DMD: variants seen among roughly 807,000 people sequenced by gnomAD.
DMD encodes the protein dystrophin.
A neutral mutation model predicts 330.1 loss-of-function variants in DMD; 63 were observed. That is an observed-to-expected ratio of 0.19 (90% CI 0.16 to 0.24). DMD has a LOEUF of 0.24. Among genes scored for constraint, DMD ranks in the 10% least tolerant of loss-of-function variants. The pLI is 1.00. For synonymous variants in DMD, 1,223 were observed against 959.8 expected (o/e 1.27, Z -5.07); for missense variants, 3,344 against 2,684.1 (o/e 1.25, Z -5.43).
chrX:33,213,815 G>A (rs192629244), upstream of DMD, among the ~76,000 whole-genome samples: 37 of 110,951 alleles, frequency 3.3e-4, no homozygotes, highest in Non-Finnish European at 3.8e-5. Context: ...ACATTGATAT[G>A]TATACATATT....
chrX:32,981,107 C>T (rs1036380327), intron 2 of DMD, among the ~76,000 whole-genome samples: 2 of 111,606 alleles, frequency 1.8e-5, no homozygotes, highest in African/African-American at 3.3e-5. Flanking sequence ...ATTACCCTAG[C>T]GTAGTTCTCT....
chrX:31,951,687 CAAT>C (rs2095181827), intron 45 of DMD, among the ~76,000 whole-genome samples: 1 of 110,922 alleles, frequency 9.0e-6, no homozygotes, highest in Non-Finnish European at 1.9e-5. Context: ...CACAATAACA[CAAT>C]GTTATAATTT....
chrX:31,171,149 A>G (rs1251080269), intron 73 of DMD, among the ~76,000 whole-genome samples: 1 of 112,178 alleles, frequency 8.9e-6, no homozygotes, highest in East Asian at 2.8e-4. Flanking sequence ...ACTTTTTCCC[A>G]TAGCTAAGAA....
intron 59 of DMD, among the ~76,000 whole-genome samples, chrX:31,471,295 A>G (rs60640779): frequency 0.11 from 12,099 of 111,779 alleles, 484 homozygotes; most frequent in East Asian, 0.2. Context: ...ACCCGAGGGA[A>G]TCTCCTGGTC....
chrX:33,104,065 G>C (rs910638133), intron 1 of DMD, among the ~76,000 whole-genome samples: 4 of 111,551 alleles, frequency 3.6e-5, no homozygotes, highest in African/African-American at 1.3e-4. Context: ...AAAATTGATA[G>C]TGCTCATTAG....
chrX:33,101,076 C>G (rs1183907307), intron 1 of DMD, among the ~76,000 whole-genome samples: 5 of 112,102 alleles, frequency 4.5e-5, no homozygotes, highest in African/African-American at 1.6e-4. Context: ...ATTTGAAATT[C>G]TTACATTAAA....
At chrX:33,254,874 T>A (rs2052831445) in intron 1 of DMD, among the ~76,000 whole-genome samples, 1 of 110,746 alleles carries the variant, frequency 9.0e-6, no homozygotes, top group African/African-American at 3.3e-5. Context: ...GCTCCTTTAG[T>A]AACCTAAAAG....
chrX:32,468,420 CCTTT>C, intron 23 of DMD, 74 bp downstream of exon 23: 1 of 900,922 alleles, frequency 1.1e-6, no homozygotes, highest in Non-Finnish European at 1.6e-6. Flanking sequence ...TGCTTATGTA[CCTTT>C]ACAGTTTACA....
At chrX:32,688,189 TA>T (rs1339521362) in intron 9 of DMD, among the ~76,000 whole-genome samples, 3 of 110,758 alleles carry the variant, frequency 2.7e-5, no homozygotes, top group African/African-American at 9.9e-5. Flanking sequence ...ACAAATCCCA[TA>T]AAATGTAATA....
At position 32,826,177 on chromosome X, in the gene DMD, A is replaced by C. The variant is rs943926642; in HGVS notation, c.265-2790T>G. On this transcript the variant is annotated intron_variant, in intron 4 of 78. Transcript: ENST00000357033. ...ATCACACAGAATGGCTATTATCAAA[A>C]AGACAAAAGGTAAGTTGTGGCAAAG... is the stretch of plus-strand genomic sequence containing the variant. Among the ~76,000 whole-genome samples the C allele has an allele frequency of 2.7e-5, 3 of 111,908 alleles. No individual in the cohort carries two copies. In the East Asian group the frequency reaches 8.4e-4, roughly 31 times the overall value.
At position 31,708,054 on chromosome X, in the gene DMD, T is replaced by G. The variant is rs149172860; in HGVS notation, c.7660+21577A>C. ...AAATCCTTAATGATTTATAAATATG[T>G]AAAAGCATTCCATCATTTGTGTTAT... is the stretch of plus-strand genomic sequence containing the variant. On this transcript the variant is annotated intron_variant, in intron 52 of 78. Transcript: ENST00000357033. 4.5e-4 allele frequency among the ~76,000 whole-genome samples: 51 copies of G among 112,302 alleles called. No homozygotes were observed. The East Asian group carries it at 0.014, about 31-fold the overall frequency.
At chrX:32,315,186 A>T (rs1339659581) in intron 41 of DMD, among the ~76,000 whole-genome samples, 2 of 111,828 alleles carry the variant, frequency 1.8e-5, no homozygotes, top group Non-Finnish European at 3.8e-5. Context: ...ACACATATAC[A>T]CCATGGGACA....
chrX:32,150,108 A>C (rs751561055), intron 44 of DMD, among the ~76,000 whole-genome samples: 1 of 112,221 alleles, frequency 8.9e-6, no homozygotes, highest in Non-Finnish European at 1.9e-5. Flanking sequence ...TTAGGGAGCT[A>C]GTTGTTGGGA....
intron 55 of DMD, among the ~76,000 whole-genome samples, chrX:31,606,017 C>T (rs1220692430): frequency 1.8e-5 from 2 of 111,573 alleles, no homozygotes; most frequent in South Asian, 3.8e-4. Context: ...ATAATCCCCA[C>T]GTGTCAAGGG....
At position 32,084,239 on chromosome X, in the gene DMD, T is replaced by C. The variant is rs184613573; in HGVS notation, c.6439-115725A>G. ...ACAATACAGTGAGTGAGTGAGTGTG[T>C]GTTTGTGTATGTGCCTGTGTGTGTG... On this transcript the variant is annotated intron_variant, in intron 44 of 78. Coordinates refer to ENST00000357033, the MANE Select transcript of DMD (RefSeq NM_004006.3). Among the ~76,000 whole-genome samples, 415 of 111,133 alleles carry C rather than the reference T, an allele frequency of 3.7e-3. 1 individual carries two copies. Among genetic ancestry groups the C allele is most frequent in the Non-Finnish European group, 6.4e-3 (337 of 52,998 alleles).
At chrX:32,581,847 T>C (rs1019713691) in intron 13 of DMD, among the ~76,000 whole-genome samples, 1 of 111,870 alleles carries the variant, frequency 8.9e-6, no homozygotes, top group Non-Finnish European at 1.9e-5. Context: ...AAAAAGATTA[T>C]ACGTCTTATC....
intron 44 of DMD, among the ~76,000 whole-genome samples, chrX:32,074,340 T>C (rs1407382881): frequency 1.8e-5 from 2 of 111,534 alleles, no homozygotes; most frequent in Non-Finnish European, 3.8e-5. Context: ...AAACGGCGTT[T>C]ACTATGCAAG....
At chrX:32,968,711 T>A (rs2092260563) in intron 2 of DMD, among the ~76,000 whole-genome samples, 1 of 108,843 alleles carries the variant, frequency 9.2e-6, no homozygotes, top group African/African-American at 3.3e-5. Flanking sequence ...GGAGCTCTCA[T>A]TATTGGAATT....
At chrX:32,714,507 TTGTGGCTCGTTAG>T (rs2065490562) in intron 7 of DMD, among the ~76,000 whole-genome samples, 1 of 112,023 alleles carries the variant, frequency 8.9e-6, no homozygotes, top group Non-Finnish European at 1.9e-5. Context: ...TTTTATTCCT[TTGTGGCTCGTTAG>T]TATTCCATTA....
Sources: allele counts gnomAD v4.1 joint callset (sites outside exome capture counted in the v4.1 genomes callset), GRCh38; gene constraint gnomAD v4.1.1; transcripts MANE v1.5; gene names NCBI Gene and HGNC (gene_info 2026-07-23, HGNC 2026-07-21).